The following ZYX variants were observed in gnomAD, a reference collection of about 807,000 sequenced individuals.
ZYX encodes zyxin-2.
ZYX carries 37 observed loss-of-function variants against 58.1 expected under a neutral mutation model. That is an observed-to-expected ratio of 0.64 (90% CI 0.49 to 0.84). ZYX has a LOEUF of 0.84. Ranked by LOEUF, ZYX falls within the 40% of genes least tolerant of loss-of-function variation. ZYX has a pLI of 0.00. For missense variants in ZYX, 762 were observed against 761.6 expected, an observed-to-expected ratio of 1.00 and a Z score of -0.01; for synonymous variants, 324 against 321.1, an observed-to-expected ratio of 1.01 and a Z score of -0.10.
Position 143,381,347 on chromosome 7 carries a change from A to C in ZYX, c.-78A>C. The C allele has an allele frequency of 8.7e-7, 1 of 1,145,436 alleles. No individual in the cohort carries two copies. The highest frequency in any genetic ancestry group is 1.1e-6 in the Non-Finnish European group (1 of 929,662). 71.0% of individuals were successfully genotyped at this position (1,145,436 alleles called of 1,614,324 possible). ...TGGAGGCTGCTCCGGACCGGGACGC[A>C]GAGTCTGCGGACCCGGCGCCGAGGC... On this transcript the variant is annotated 5_prime_UTR_variant, in exon 1 of 10. Transcript: ENST00000322764.
Position 143,389,794 on chromosome 7 carries a change from T to C in ZYX, c.1494-63T>C, listed in dbSNP as rs1245913044. 19 of 1,599,380 alleles carry C rather than the reference T, an allele frequency of 1.2e-5. No homozygotes were observed. The highest frequency in any genetic ancestry group is 1.4e-5 in the Non-Finnish European group (17 of 1,175,106). ...CTTCCTTGCTGCCCAACCTGGCTTATGCGTGCGCACACCGGGGATGAAAGC... is the reference window on the plus strand; with the variant it reads ...CTTCCTTGCTGCCCAACCTGGCTTACGCGTGCGCACACCGGGGATGAAAGC... On this transcript the variant is annotated intron_variant, in intron 8 of 9. Coordinates refer to ENST00000322764, the MANE Select transcript of ZYX (RefSeq NM_003461.5). The surrounding 1 kb of genome is among the most constrained non-coding windows in gnomAD (Gnocchi z 5.6).
rs1342287452 is a variant in ZYX at position 143,390,731 on chromosome 7, A to G, written c.*49A>G. ...CGCAGTCCATGCCCCATTGTGGACC[A>G]CCCACACTGAGACCACCTGCCCCCA... On this transcript the variant is annotated 3_prime_UTR_variant, in exon 10 of 10. Transcript: ENST00000322764. The surrounding 1 kb of genome is among the most constrained non-coding windows in gnomAD (Gnocchi z 4.3). 1 of 1,392,136 alleles carries G rather than the reference A, an allele frequency of 7.2e-7. No homozygotes were observed. Among genetic ancestry groups the G allele is most frequent in the Admixed American group, 2.0e-5 (1 of 50,646 alleles). The allele number at this position is 1,392,136 out of a possible 1,614,324, so 86.2% of individuals were successfully genotyped here. A position where few individuals can be genotyped will look rare whatever the true frequency, so the allele number is the denominator to read the frequency against.
rs1804991961 is a variant in ZYX, at chr7:143,389,471, C to G, written c.1494-386C>G. ...ACATCCCTCCACAGTGCCAGACAGT[C>G]AGGGCAGAGGCAACGTGCATGGGGG... On this transcript the variant is annotated intron_variant, in intron 8 of 9. Coordinates refer to ENST00000322764, the MANE Select transcript of ZYX (RefSeq NM_003461.5). This position sits in a 1 kb window ranked among gnomAD's most constrained non-coding sequence, Gnocchi z 5.6. Among the ~76,000 whole-genome samples, 1 of 152,062 alleles carries G rather than the reference C, an allele frequency of 6.6e-6. No homozygotes were observed. Among genetic ancestry groups the G allele is most frequent in the South Asian group, 2.1e-4 (1 of 4,828 alleles).
Position 143,388,061 on chromosome 7 carries a change from G to A in ZYX, c.1024-158G>A. 2.5e-6 allele frequency: 2 copies of A among 804,128 alleles called. No homozygotes were observed. The highest frequency in any genetic ancestry group is 3.9e-6 in the Non-Finnish European group (2 of 511,652). 49.8% of individuals were successfully genotyped at this position (804,128 alleles called of 1,614,324 possible). Reference sequence around the variant, plus strand: ...ATTTGTGTGGTGCTGGGGATGGCGGGGGTAGGGGGACGAGGGAGAAGCTTT... The same window carrying A: ...ATTTGTGTGGTGCTGGGGATGGCGGAGGTAGGGGGACGAGGGAGAAGCTTT... On this transcript the variant is annotated intron_variant, in intron 5 of 9. Transcript: ENST00000322764. This position sits in a 1 kb window ranked among gnomAD's most constrained non-coding sequence, Gnocchi z 7.5.
chr7:143,385,167 T>C (rs1448396500), intron 5 of ZYX, among the ~76,000 whole-genome samples: 1 of 152,066 alleles, frequency 6.6e-6, no homozygotes, highest in Non-Finnish European at 1.5e-5. Context: ...GATTAGACTG[T>C]TGGGAAATCA....
intron 2 of ZYX, 70 bp from the exon 3 acceptor site, chr7:143,382,177 CG>C (rs1804634807): frequency 7.7e-7 from 1 of 1,300,942 alleles, no homozygotes; most frequent in African/African-American, 1.5e-5. Context: ...GGGGTTAGAG[CG>C]GTTAACTGAG....
Position 143,389,124 on chromosome 7 carries a change from T to G in ZYX, c.1493+179T>G, listed in dbSNP as rs893906324. Among the ~76,000 whole-genome samples, 2 of 152,238 alleles carry G rather than the reference T, an allele frequency of 1.3e-5. No individual in the cohort carries two copies. Among genetic ancestry groups the G allele is most frequent in the Non-Finnish European group, 2.9e-5 (2 of 68,040 alleles). On this transcript the variant is annotated intron_variant, in intron 8 of 9. Transcript: ENST00000322764. This position sits in a 1 kb window ranked among gnomAD's most constrained non-coding sequence, Gnocchi z 5.6. The stretch of plus-strand genomic sequence containing the variant: ...TGTAGCTGTCCAGGGGCCTTAGGCC[T>G]GGGCATCGAGTCCTGCTGCTGTCTG...
At chr7:143,381,958 G>C (rs1042783703) in intron 2 of ZYX, 179 bp downstream of exon 2, 7 of 691,496 alleles carry the variant, frequency 1.0e-5, no homozygotes, top group Non-Finnish European at 1.6e-5. Flanking sequence ...GGGCTCCTGG[G>C]ACCGTTCCAA....
At chr7:143,385,779 G>A (rs560263744) in intron 5 of ZYX, among the ~76,000 whole-genome samples, 2 of 149,068 alleles carry the variant, frequency 1.3e-5, no homozygotes, top group South Asian at 4.2e-4. Flanking sequence ...AAGTAGCTGG[G>A]ATTACAGGCA....
chr7:143,385,235 TGAG>T (rs1040573920), intron 5 of ZYX, among the ~76,000 whole-genome samples: 18 of 152,034 alleles, frequency 1.2e-4, no homozygotes, highest in African/African-American at 3.9e-4. Context: ...TGTGAGGAGT[TGAG>T]GAGAGAGTGG....
chr7:143,381,777 A>C lies in ZYX; in HGVS notation c.206A>C (p.Glu69Ala). The part of the protein sequence containing the change: ...RVGEIPPPPP[E>A]DFPLPPPPLA... Reference sequence around the variant, plus strand: ...GGCGAGATTCCCCCGCCGCCCCCGGAAGGTATGCGGCGGGGCTTGGGGAAT... The same window carrying C: ...GGCGAGATTCCCCCGCCGCCCCCGGCAGGTATGCGGCGGGGCTTGGGGAAT... The change falls in exon 2 of 10, where the codon GAA becomes GCA. Residue 69 changes from glutamate to alanine, a missense_variant and splice_region_variant. Coordinates refer to ENST00000322764, the MANE Select transcript of ZYX (RefSeq NM_003461.5). 6.4e-7 allele frequency: 1 copy of C among 1,569,152 alleles called. No homozygotes were observed.
At chr7:143,381,490 G>A in intron 1 of ZYX, 67 bp from the exon 2 acceptor site, 2 of 1,458,656 alleles carry the variant, frequency 1.4e-6, no homozygotes, top group South Asian at 2.7e-5. Context: ...GGTCACCAAG[G>A]GGAGCTGGGA....
intron 5 of ZYX, among the ~76,000 whole-genome samples, chr7:143,385,443 CGT>C: frequency 6.6e-6 from 1 of 150,498 alleles, no homozygotes; most frequent in East Asian, 2.0e-4. Flanking sequence ...GTATGAGTGG[CGT>C]GTGATGTGTG....
In ZYX at chr7:143,384,188, T is replaced by C. The variant is rs1183442140; in HGVS notation, c.1023+866T>C. On this transcript the variant is annotated intron_variant, in intron 5 of 9. Transcript: ENST00000322764. This position sits in a 1 kb window ranked among gnomAD's most constrained non-coding sequence, Gnocchi z 4.9. ...TCCACTGATAGTGTTGATGTCTACC[T>C]ACACTCGGACACAGCATAGGAAGAA... 1 of 471,610 alleles carries C rather than the reference T, an allele frequency of 2.1e-6. No individual in the cohort carries two copies. The highest frequency in any genetic ancestry group is 2.0e-5 in the African/African-American group (1 of 50,070). 29.2% of individuals were successfully genotyped at this position (471,610 alleles called of 1,614,324 possible).
chr7:143,389,204 C>T lies in ZYX; in HGVS notation c.1493+259C>T, dbSNP rs1378820234. Among the ~76,000 whole-genome samples, 1 of 152,212 alleles carries T rather than the reference C, an allele frequency of 6.6e-6. No homozygotes were observed. Among genetic ancestry groups the T allele is most frequent in the African/African-American group, 2.4e-5 (1 of 41,462 alleles). ...TTATTGTGGGTGTATGTCAGCATTT[C>T]GTGAAGTGTGCTGGAGTGACTTCAT... is the stretch of plus-strand genomic sequence containing the variant. On this transcript the variant is annotated intron_variant, in intron 8 of 9. Coordinates refer to ENST00000322764, the MANE Select transcript of ZYX (RefSeq NM_003461.5). The surrounding 1 kb of genome is among the most constrained non-coding windows in gnomAD (Gnocchi z 5.6).
chr7:143,388,738 C>T lies in ZYX; in HGVS notation c.1315-29C>T, dbSNP rs140343735. On this transcript the variant is annotated intron_variant, in intron 7 of 9. Coordinates refer to ENST00000322764, the MANE Select transcript of ZYX (RefSeq NM_003461.5). The surrounding 1 kb of genome is among the most constrained non-coding windows in gnomAD (Gnocchi z 7.5). ...AAGCTTGCTGTGGGGTGCCGGTTCCCTGCCAACCTCCTCCTGCTGCCTCCT... is the reference window on the plus strand; with the variant it reads ...AAGCTTGCTGTGGGGTGCCGGTTCCTTGCCAACCTCCTCCTGCTGCCTCCT... 3.4e-4 allele frequency: 552 copies of T among 1,610,436 alleles called. 5 individuals carry two copies. The African/African-American group carries it at 6.5e-3, about 19-fold the overall frequency.
In ZYX at chr7:143,388,233, G is replaced by A. The variant is rs1288735806; in HGVS notation, c.1038G>A (p.Gly346=). The A allele has an allele frequency of 6.2e-7, 1 of 1,607,108 alleles. No individual in the cohort carries two copies. Among genetic ancestry groups the A allele is most frequent in the East Asian group, 2.2e-5 (1 of 44,576 alleles). ...AQNQNQVRSP[G]APGPLTLKEV... The stretch of plus-strand genomic sequence containing the variant: ...TGGGATTGCAGGTGCGCTCCCCTGG[G>A]GCCCCAGGGCCCCTGACTCTGAAGG... Residue 346 remains glycine (G), a synonymous_variant, in exon 6 of 10, where the codon GGG becomes GGA. Coordinates refer to ENST00000322764, the MANE Select transcript of ZYX (RefSeq NM_003461.5). This position sits in a 1 kb window ranked among gnomAD's most constrained non-coding sequence, Gnocchi z 7.5.
At chr7:143,381,914 C>G (rs1476252267) in intron 2 of ZYX, 135 bp downstream of exon 2, 2 of 913,930 alleles carry the variant, frequency 2.2e-6, no homozygotes, top group African/African-American at 3.4e-5. Flanking sequence ...AGCAGATGTT[C>G]TTACCTCATC....
In ZYX at chr7:143,390,269, A is replaced by G; in HGVS notation, c.1614+292A>G. 1 of 542,848 alleles carries G rather than the reference A, an allele frequency of 1.8e-6. No individual in the cohort carries two copies. The allele number at this position is 542,848 out of a possible 1,614,324, so 33.6% of individuals were successfully genotyped here. ...TTACCGTGGTAGGGGATGGGGAAACAGGAGCTGAGAGAAGAGGTCTTCGAA... is the reference window on the plus strand; with the variant it reads ...TTACCGTGGTAGGGGATGGGGAAACGGGAGCTGAGAGAAGAGGTCTTCGAA... On this transcript the variant is annotated intron_variant, in intron 9 of 9. Transcript: ENST00000322764. The surrounding 1 kb of genome is among the most constrained non-coding windows in gnomAD (Gnocchi z 4.3).
Sources: allele counts gnomAD v4.1 joint callset (sites outside exome capture counted in the v4.1 genomes callset), GRCh38; gene constraint gnomAD v4.1.1; non-coding constraint Gnocchi (gnomAD v3.1); transcripts MANE v1.5; gene names NCBI Gene and HGNC (gene_info 2026-07-23, HGNC 2026-07-21).